PPM1B: variants seen among roughly 807,000 people sequenced by gnomAD.
The protein encoded by PPM1B is protein phosphatase, Mg2+/Mn2+ dependent 1B, also known as protein phosphatase 1B.
A neutral mutation model predicts 43.0 loss-of-function variants in PPM1B; 22 were observed. The observed-to-expected ratio is 0.51, with a 90% CI of 0.37 to 0.73. The LOEUF (loss-of-function observed/expected upper bound fraction) is 0.73, where lower values mean the gene tolerates loss of function less well. PPM1B is among the 30% of genes least tolerant of loss of function. PPM1B has a pLI of 0.00. For synonymous variants in PPM1B, 217 were observed against 197.9 expected (o/e 1.10, Z -0.81); for missense variants, 632 against 584.2 (o/e 1.08, Z -0.84).
intron 1 of PPM1B, among the ~76,000 whole-genome samples, chr2:44,184,994 A>G (rs912326119): frequency 2.0e-5 from 3 of 149,510 alleles, no homozygotes; most frequent in Non-Finnish European, 4.4e-5. Flanking sequence ...GTGTTAGTGA[A>G]GAAGACATGT....
downstream of PPM1B, among the ~76,000 whole-genome samples, chr2:44,245,745 C>G (rs977245261): frequency 1.3e-5 from 2 of 152,152 alleles, no homozygotes; most frequent in African/African-American, 2.4e-5. Context: ...TGTACCTTTC[C>G]CAAGAGAAAC....
chr2:44,225,792 G>C (rs1029963231), intron 5 of PPM1B, among the ~76,000 whole-genome samples: 1 of 151,978 alleles, frequency 6.6e-6, no homozygotes, highest in Non-Finnish European at 1.5e-5. Context: ...AAGTAGCTGG[G>C]ACTACAGGCA....
At chr2:44,205,358 T>TGTGTGTCGGG (rs796725973) in intron 2 of PPM1B, among the ~76,000 whole-genome samples, 2 of 149,926 alleles carry the variant, frequency 1.3e-5, no homozygotes, top group African/African-American at 4.9e-5. Flanking sequence ...GGTGTGGGTG[T>TGTGTGTCGGG]GTGTGTGTGT....
downstream of PPM1B, among the ~76,000 whole-genome samples, chr2:44,236,232 T>A (rs1312749413): frequency 6.6e-6 from 1 of 151,470 alleles, no homozygotes; most frequent in Admixed American, 6.6e-5. Flanking sequence ...CTGTCTCTAC[T>A]TAAAAAATAA....
At chr2:44,214,236 T>G (rs944614407) in intron 3 of PPM1B, among the ~76,000 whole-genome samples, 1 of 152,114 alleles carries the variant, frequency 6.6e-6, no homozygotes, top group Non-Finnish European at 1.5e-5. Context: ...CCCGCCACCA[T>G]GCCTGGCTAA....
chr2:44,171,188 T>C (rs1667324180), intron 1 of PPM1B, among the ~76,000 whole-genome samples: 1 of 152,210 alleles, frequency 6.6e-6, no homozygotes, highest in Admixed American at 6.6e-5. Flanking sequence ...TTTCTTACAC[T>C]GGGTGTCTGA....
At chr2:44,235,779 G>A (rs1315051916), downstream of PPM1B, among the ~76,000 whole-genome samples, 1 of 151,798 alleles carries the variant, frequency 6.6e-6, no homozygotes, top group Non-Finnish European at 1.5e-5. Flanking sequence ...CATGCCTATA[G>A]TCCCAGCTAG....
chr2:44,201,144 C>G lies in PPM1B; in HGVS notation c.-14-42C>G, dbSNP rs539941784. On this transcript the variant is annotated intron_variant, in intron 1 of 5. Coordinates refer to ENST00000282412, the MANE Select transcript of PPM1B (RefSeq NM_002706.6). This position sits in a 1 kb window ranked among gnomAD's most constrained non-coding sequence, Gnocchi z 5.4. ...AGAGGGAATATTGTACATACATTTTCTGTCAAATTTAAACATTTAACACCT... is the reference window on the plus strand; with the variant it reads ...AGAGGGAATATTGTACATACATTTTGTGTCAAATTTAAACATTTAACACCT... 1 of 1,499,118 alleles carries G rather than the reference C, an allele frequency of 6.7e-7. No individual in the cohort carries two copies. Among genetic ancestry groups the G allele is most frequent in the East Asian group, 2.3e-5 (1 of 43,956 alleles). The allele number at this position is 1,499,118 out of a possible 1,614,324, so 92.9% of individuals were successfully genotyped here. A position where few individuals can be genotyped will look rare whatever the true frequency, so the allele number is the denominator to read the frequency against.
chr2:44,215,258 A>G (rs558661392), intron 3 of PPM1B, among the ~76,000 whole-genome samples: 1 of 152,322 alleles, frequency 6.6e-6, no homozygotes, highest in Admixed American at 6.5e-5. Context: ...GCTTGAGACT[A>G]GGAGTTCAAG....
intron 5 of PPM1B, among the ~76,000 whole-genome samples, chr2:44,223,430 G>T (rs564496380): frequency 6.6e-6 from 1 of 152,194 alleles, no homozygotes; most frequent in South Asian, 2.1e-4. Context: ...TTATATCACA[G>T]TTTTTAGAAC....
downstream of PPM1B, among the ~76,000 whole-genome samples, chr2:44,236,402 CA>C (rs61414038): frequency 6.9e-3 from 328 of 47,512 alleles, 1 homozygote; most frequent in South Asian, 0.02. Context: ...GACTCCGTCT[CA>C]AAAAAAAAAA....
intron 1 of PPM1B, among the ~76,000 whole-genome samples, chr2:44,195,813 T>C: frequency 6.6e-6 from 1 of 152,250 alleles, no homozygotes; most frequent in East Asian, 1.9e-4. Context: ...AAGTGACTTC[T>C]GAGGGTGGGT....
chr2:44,178,799 G>A (rs1402577990), intron 1 of PPM1B, among the ~76,000 whole-genome samples: 2 of 152,006 alleles, frequency 1.3e-5, no homozygotes, highest in Non-Finnish European at 2.9e-5. Context: ...ATTTAGTGCT[G>A]TCCTATATAA....
downstream of PPM1B, among the ~76,000 whole-genome samples, chr2:44,235,462 G>C (rs763684865): frequency 1.9e-4 from 29 of 152,040 alleles, no homozygotes; most frequent in Non-Finnish European, 2.2e-4. Flanking sequence ...AATTAGCCAG[G>C]CATGGTGGCG....
chr2:44,210,797 T>C (rs1669426911), intron 3 of PPM1B, among the ~76,000 whole-genome samples: 1 of 152,068 alleles, frequency 6.6e-6, no homozygotes, highest in Non-Finnish European at 1.5e-5. Flanking sequence ...TACTACTTAA[T>C]AAAACGAAGA....
intron 5 of PPM1B, among the ~76,000 whole-genome samples, chr2:44,226,448 C>G (rs1007070834): frequency 6.6e-6 from 1 of 152,128 alleles, no homozygotes; most frequent in Non-Finnish European, 1.5e-5. Context: ...TTCATCCAAC[C>G]TTATTAATAA....
downstream of PPM1B, among the ~76,000 whole-genome samples, chr2:44,238,993 G>A (rs915895735): frequency 1.3e-5 from 2 of 151,674 alleles, no homozygotes; most frequent in African/African-American, 4.8e-5. Context: ...GGGAGAGGGA[G>A]AGAGAGAGGA....
In PPM1B at chr2:44,209,197, CTT is replaced by C; in HGVS notation, c.847-11_847-10del. ...AAATACAATTTTTTTTCTTTTTTTT[CTT>C]TAATACACAGGGAAGTCGAGATAAC... On this transcript the variant is annotated splice_polypyrimidine_tract_variant and intron_variant, in intron 2 of 5. Coordinates refer to ENST00000282412, the MANE Select transcript of PPM1B (RefSeq NM_002706.6). 1 of 1,531,580 alleles carries C rather than the reference CTT, an allele frequency of 6.5e-7. No homozygotes were observed. 94.9% of individuals were successfully genotyped at this position (1,531,580 alleles called of 1,614,324 possible).
At chr2:44,228,925 GTAA>G (rs1438400621) in intron 5 of PPM1B, among the ~76,000 whole-genome samples, 1 of 152,112 alleles carries the variant, frequency 6.6e-6, no homozygotes, top group African/African-American at 2.4e-5. Context: ...GCTCACACCT[GTAA>G]TCCCAGCACT....
Sources: allele counts gnomAD v4.1 joint callset (sites outside exome capture counted in the v4.1 genomes callset), GRCh38; gene constraint gnomAD v4.1.1; non-coding constraint Gnocchi (gnomAD v3.1); transcripts MANE v1.5; gene names NCBI Gene and HGNC (gene_info 2026-07-23, HGNC 2026-07-21).